TM4SF4: variants seen among roughly 807,000 people sequenced by gnomAD.
TM4SF4 encodes the protein transmembrane 4 L six family member 4.
In TM4SF4, 24 loss-of-function variants were observed where a neutral mutation model predicts 24.1. The ratio of observed to expected loss-of-function variants is 1.00; its 90% CI spans 0.72 to 1.40. The LOEUF is 1.40. Ranked by LOEUF, TM4SF4 falls within the 40% of genes most tolerant of loss-of-function variation. The pLI is 0.00. For synonymous variants in TM4SF4, 113 were observed against 97.0 expected, an observed-to-expected ratio of 1.17 and a Z score of -0.97; for missense variants, 254 against 254.2, an observed-to-expected ratio of 1.00 and a Z score of 0.01.
At chr3:149,489,729 T>A (rs1428610635) in intron 3 of TM4SF4, among the ~76,000 whole-genome samples, 2 of 152,218 alleles carry the variant, frequency 1.3e-5, no homozygotes, top group Admixed American at 6.5e-5. Context: ...TTATTGTGTA[T>A]TGCTCTGTAA....
At position 149,487,731 on chromosome 3, in the gene TM4SF4, C is replaced by T; in HGVS notation, c.377C>T (p.Thr126Ile). The change falls in exon 3 of 5, where the codon ACA (threonine) becomes ATA (isoleucine). Residue 126 changes from threonine (T) to isoleucine (I), a missense_variant. Physicochemically the swap from Thr to Ile is moderately conservative, Grantham distance 89. Coordinates refer to ENST00000305354, the MANE Select transcript of TM4SF4 (RefSeq NM_004617.4). Reference protein sequence around the residue: ...KGPKCLMANSTWGYPFHDGDY... With the variant: ...KGPKCLMANSIWGYPFHDGDY... ...CCTAAATGCCTCATGGCCAATAGTA[C>T]ATGGGGCTACCCCTTCCACGACGGG... The T allele has an allele frequency of 6.2e-7, 1 of 1,614,012 alleles. No individual in the cohort carries two copies. Among genetic ancestry groups the T allele is most frequent in the Non-Finnish European group, 8.5e-7 (1 of 1,179,888 alleles).
intron 2 of TM4SF4, among the ~76,000 whole-genome samples, chr3:149,480,858 T>A (rs1344493200): frequency 6.6e-6 from 1 of 152,160 alleles, no homozygotes; most frequent in Non-Finnish European, 1.5e-5. Flanking sequence ...ATTTTATTTT[T>A]ATTTATTTAT....
At chr3:149,484,788 G>A (rs934667453) in intron 2 of TM4SF4, among the ~76,000 whole-genome samples, 1 of 152,068 alleles carries the variant, frequency 6.6e-6, no homozygotes, top group Non-Finnish European at 1.5e-5. Context: ...TCCTGACCTC[G>A]TGATCCACCA....
At chr3:149,482,289 T>A (rs1274590917) in intron 2 of TM4SF4, among the ~76,000 whole-genome samples, 7 of 152,224 alleles carry the variant, frequency 4.6e-5, no homozygotes, top group Admixed American at 4.6e-4. Flanking sequence ...TCCATACCTT[T>A]GACAACAACA....
At chr3:149,480,433 T>C (rs116760442) in intron 2 of TM4SF4, among the ~76,000 whole-genome samples, 1,816 of 152,282 alleles carry the variant, frequency 0.012, 13 homozygotes, top group Middle Eastern at 0.024. Flanking sequence ...AGGCATGTAT[T>C]TCACCATCCT....
intron 3 of TM4SF4, chr3:149,495,033 G>T: frequency 4.3e-6 from 1 of 232,492 alleles, no homozygotes; most frequent in Non-Finnish European, 8.7e-6. Flanking sequence ...ATCTCCATGG[G>T]CAGACCCATG....
intron 2 of TM4SF4, among the ~76,000 whole-genome samples, chr3:149,479,391 G>A (rs1436116711): frequency 6.8e-6 from 1 of 147,698 alleles, no homozygotes; most frequent in Non-Finnish European, 1.5e-5. Context: ...GAGGTTATTG[G>A]GGGGTCTCAC....
At chr3:149,480,965 A>G (rs1367384895) in intron 2 of TM4SF4, among the ~76,000 whole-genome samples, 2 of 151,988 alleles carry the variant, frequency 1.3e-5, no homozygotes, top group Non-Finnish European at 2.9e-5. Flanking sequence ...GATTCACGCG[A>G]TTCTCCTGTC....
intron 4 of TM4SF4, among the ~76,000 whole-genome samples, 187 bp downstream of exon 4, chr3:149,499,098 A>G (rs1261253181): frequency 6.6e-6 from 1 of 152,188 alleles, no homozygotes; most frequent in East Asian, 1.9e-4. Flanking sequence ...AGACAGACAC[A>G]TTGCATTACT....
chr3:149,478,224 C>T (rs1365939410), intron 2 of TM4SF4, among the ~76,000 whole-genome samples: 1 of 152,244 alleles, frequency 6.6e-6, no homozygotes, highest in Non-Finnish European at 1.5e-5. Context: ...CGGCTCACTG[C>T]AACCTCTGCC....
At chr3:149,496,508 G>T (rs1734313631) in intron 3 of TM4SF4, among the ~76,000 whole-genome samples, 1 of 152,218 alleles carries the variant, frequency 6.6e-6, no homozygotes, top group African/African-American at 2.4e-5. Context: ...TCGGCCAGAT[G>T]CCGTGGCTCA....
intron 2 of TM4SF4, among the ~76,000 whole-genome samples, chr3:149,478,530 G>T (rs1178589644): frequency 6.6e-6 from 1 of 152,160 alleles, no homozygotes; most frequent in Admixed American, 6.5e-5. Context: ...CCCAATATAG[G>T]TTGTCTGTGG....
intron 2 of TM4SF4, among the ~76,000 whole-genome samples, chr3:149,480,264 G>T (rs1372277411): frequency 6.6e-6 from 1 of 152,142 alleles, no homozygotes; most frequent in Non-Finnish European, 1.5e-5. Flanking sequence ...TCTAAAAAAT[G>T]GATCTCTTGG....
intron 2 of TM4SF4, among the ~76,000 whole-genome samples, chr3:149,485,416 C>T (rs1734098487): frequency 6.6e-6 from 1 of 152,014 alleles, no homozygotes; most frequent in South Asian, 2.1e-4. Context: ...ATTTAGATAC[C>T]CTAAACATAA....
chr3:149,485,483 A>C (rs182836144), intron 2 of TM4SF4, among the ~76,000 whole-genome samples: 136 of 152,382 alleles, frequency 8.9e-4, no homozygotes, highest in African/African-American at 3.2e-3. Flanking sequence ...CATTGAAAAC[A>C]TGCAACAAGT....
chr3:149,492,282 C>T (rs917680952), intron 3 of TM4SF4, among the ~76,000 whole-genome samples: 1 of 152,116 alleles, frequency 6.6e-6, no homozygotes, highest in Non-Finnish European at 1.5e-5. Flanking sequence ...CAGGGCTCTG[C>T]AATGCCATAG....
At chr3:149,479,621 C>T (rs1733999433) in intron 2 of TM4SF4, among the ~76,000 whole-genome samples, 1 of 152,206 alleles carries the variant, frequency 6.6e-6, no homozygotes, top group Non-Finnish European at 1.5e-5. Flanking sequence ...TTTCCAAAGG[C>T]TCACGCATTC....
chr3:149,502,615 G>A (rs1734449333), intron 4 of TM4SF4, 61 bp from the exon 5 acceptor site: 1 of 1,337,702 alleles, frequency 7.5e-7, no homozygotes, highest in Admixed American at 1.7e-5. Context: ...GGAAGGAGGG[G>A]AAAAGCAAAA....
intron 3 of TM4SF4, among the ~76,000 whole-genome samples, chr3:149,497,865 G>A (rs528846167): frequency 1.3e-5 from 2 of 152,086 alleles, no homozygotes; most frequent in African/African-American, 4.8e-5. Flanking sequence ...GGCTGGTCTC[G>A]AACTCCTGAC....
Sources: allele counts gnomAD v4.1 joint callset (sites outside exome capture counted in the v4.1 genomes callset), GRCh38; gene constraint gnomAD v4.1.1; transcripts MANE v1.5; gene names NCBI Gene and HGNC (gene_info 2026-07-23, HGNC 2026-07-21).